The following SAG variants were observed in gnomAD, a reference collection of about 807,000 sequenced individuals.
SAG encodes the protein S-antigen visual arrestin.
SAG carries 45 observed loss-of-function variants against 55.0 expected under a neutral mutation model. That is an observed-to-expected ratio of 0.82 (90% CI 0.64 to 1.05). The LOEUF (loss-of-function observed/expected upper bound fraction) is 1.05, where lower values mean the gene tolerates loss of function less well. SAG is among the 50% of genes least tolerant of loss of function. SAG has a pLI of 0.00. For missense variants in SAG, 455 were observed against 512.1 expected (o/e 0.89, Z 1.08); for synonymous variants, 189 against 197.4 (o/e 0.96, Z 0.36).
intron 6 of SAG, among the ~76,000 whole-genome samples, chr2:233,323,249 G>A (rs374536424): frequency 2.0e-5 from 3 of 152,178 alleles, no homozygotes; most frequent in African/African-American, 7.2e-5. Flanking sequence ...TGTGGAGGCG[G>A]GGTTTCACCA....
intron 9 of SAG, among the ~76,000 whole-genome samples, chr2:233,331,086 T>C (rs1468087729): frequency 2.0e-5 from 3 of 152,120 alleles, no homozygotes; most frequent in African/African-American, 7.2e-5. Context: ...TTAAAGGTGA[T>C]TAAAAGTCAT....
chr2:233,313,261 C>T (rs1700125819), intron 2 of SAG, among the ~76,000 whole-genome samples: 1 of 152,152 alleles, frequency 6.6e-6, no homozygotes, highest in Non-Finnish European at 1.5e-5. Context: ...GAAGGGCCTT[C>T]CTTACCGTGG....
At chr2:233,321,062 AC>A (rs944372830) in intron 5 of SAG, among the ~76,000 whole-genome samples, 6 of 151,920 alleles carry the variant, frequency 3.9e-5, no homozygotes, top group Non-Finnish European at 1.5e-5. Flanking sequence ...CCTTGACCCG[AC>A]CCCCTAATTA....
At chr2:233,346,242 C>T (rs764802521) in intron 14 of SAG, 161 bp from the exon 15 acceptor site, 24 of 641,330 alleles carry the variant, frequency 3.7e-5, no homozygotes, top group Admixed American at 2.0e-4. Context: ...GCAGGAATTA[C>T]ACGCAGTGAT....
At chr2:233,309,063 G>C in intron 1 of SAG, 99 bp from the exon 2 acceptor site, 1 of 670,008 alleles carries the variant, frequency 1.5e-6, no homozygotes, top group South Asian at 1.8e-5. Context: ...GGACGCACAG[G>C]ATCTCGTGAG....
At chr2:233,336,259 A>G (rs938782002) in intron 11 of SAG, among the ~76,000 whole-genome samples, 3 of 152,182 alleles carry the variant, frequency 2.0e-5, no homozygotes, top group African/African-American at 7.2e-5. Flanking sequence ...TCACACCTGT[A>G]ATCCCAGTAC....
chr2:233,313,029 A>G (rs1471197666), intron 2 of SAG, among the ~76,000 whole-genome samples: 3 of 152,218 alleles, frequency 2.0e-5, no homozygotes, highest in African/African-American at 7.2e-5. Flanking sequence ...TGTGTGGGAT[A>G]GATGAAAGCA....
intron 11 of SAG, among the ~76,000 whole-genome samples, chr2:233,335,950 C>T (rs867688600): frequency 2.0e-5 from 3 of 152,172 alleles, no homozygotes; most frequent in Non-Finnish European, 4.4e-5. Flanking sequence ...CCCATGACTC[C>T]GATGCTCAGT....
intron 14 of SAG, chr2:233,343,713 G>A (rs1259778223): frequency 4.9e-6 from 6 of 1,213,656 alleles, no homozygotes; most frequent in East Asian, 6.2e-5. Flanking sequence ...CTTAGTTGAC[G>A]GGAAAGAAAA....
chr2:233,336,425 G>C (rs1700929558), intron 11 of SAG, among the ~76,000 whole-genome samples: 1 of 151,902 alleles, frequency 6.6e-6, no homozygotes, highest in Non-Finnish European at 1.5e-5. Flanking sequence ...TGAGACAGGA[G>C]AATCGCTTGA....
chr2:233,339,245 A>G (rs575874032), intron 12 of SAG, among the ~76,000 whole-genome samples: 1 of 152,322 alleles, frequency 6.6e-6, no homozygotes, highest in South Asian at 2.1e-4. Context: ...TTTTAAGGGA[A>G]CAGGTTTCCA....
At chr2:233,339,020 C>T (rs1436863249) in intron 12 of SAG, among the ~76,000 whole-genome samples, 2 of 152,194 alleles carry the variant, frequency 1.3e-5, no homozygotes, top group Non-Finnish European at 1.5e-5. Context: ...TGCATATGTG[C>T]ATGTGGTAGA....
intron 8 of SAG, 89 bp from the exon 9 acceptor site, chr2:233,329,404 A>C: frequency 1.3e-6 from 1 of 787,560 alleles, no homozygotes; most frequent in Non-Finnish European, 2.2e-6. Flanking sequence ...ATTCCAGTGA[A>C]AGGGATTGAG....
chr2:233,313,268 G>C (rs1468278787), intron 2 of SAG, among the ~76,000 whole-genome samples: 2 of 152,194 alleles, frequency 1.3e-5, no homozygotes, highest in Non-Finnish European at 2.9e-5. Context: ...CTTCCTTACC[G>C]TGGAAACAAT....
At chr2:233,337,476 C>G (rs543047953) in intron 11 of SAG, among the ~76,000 whole-genome samples, 1 of 152,100 alleles carries the variant, frequency 6.6e-6, no homozygotes, top group Non-Finnish European at 1.5e-5. Context: ...TGAACTCAAG[C>G]GATCTGCCCG....
At chr2:233,333,140 G>A (rs1376797516) in intron 10 of SAG, 1 of 152,186 alleles carries the variant, frequency 6.6e-6, no homozygotes, top group Non-Finnish European at 1.5e-5. Context: ...AACTATTACT[G>A]TTATTCAAAA....
rs1013465385 is a variant in SAG, at chr2:233,340,288, A to T, written c.1023-167A>T. 5.3e-5 allele frequency among the ~76,000 whole-genome samples: 8 copies of T among 152,178 alleles called. No homozygotes were observed. Among genetic ancestry groups the T allele is most frequent in the Non-Finnish European group, 7.4e-5 (5 of 68,016 alleles). On this transcript the variant is annotated intron_variant, in intron 12 of 15. Coordinates refer to ENST00000409110, the MANE Select transcript of SAG (RefSeq NM_000541.5). This position sits in a 1 kb window ranked among gnomAD's most constrained non-coding sequence, Gnocchi z 4.2. ...AACTAATCATCTTGAGAAAGAGATG[A>T]AGTCACAGGTAATGAAGTTGAACAT... is the stretch of plus-strand genomic sequence containing the variant.
At chr2:233,329,884 TGTTGTGG>T (rs1700693936) in intron 9 of SAG, among the ~76,000 whole-genome samples, 2 of 152,218 alleles carry the variant, frequency 1.3e-5, no homozygotes, top group African/African-American at 4.8e-5. Flanking sequence ...TGCAGCACAT[TGTTGTGG>T]GTGAGGCCTA....
Position 233,342,277 on chromosome 2 carries a change from C to G in SAG, c.1053C>G (p.Val351=). Reference sequence around the variant, plus strand: ...CTTCATTCTTTTTTTCTAGTGAAGTCGCCACTGAGGTCCCATTCCGCCTCA... The same window carrying G: ...CTTCATTCTTTTTTTCTAGTGAAGTGGCCACTGAGGTCCCATTCCGCCTCA... ...GFLGELTSSE[V]ATEVPFRLMH... Residue 351 remains valine, a synonymous_variant, in exon 14 of 16, where the codon GTC becomes GTG. Transcript: ENST00000409110. The G allele has an allele frequency of 1.2e-6, 2 of 1,606,546 alleles. No individual in the cohort carries two copies. Among genetic ancestry groups the G allele is most frequent in the South Asian group, 2.2e-5 (2 of 89,608 alleles).
Sources: gnomAD v4.1 joint callset for allele counts (sites outside exome capture counted in the v4.1 genomes callset) on GRCh38, gnomAD v4.1.1 for gene constraint, Gnocchi (gnomAD v3.1) non-coding constraint, MANE v1.5 for transcripts, NCBI Gene and HGNC (gene_info 2026-07-23, HGNC 2026-07-21) for gene names.